PREP: variants seen among roughly 807,000 people sequenced by gnomAD.
PREP encodes the protein prolyl endopeptidase.
In PREP, 29 loss-of-function variants were observed where a neutral mutation model predicts 87.6. That is an observed-to-expected ratio of 0.33 (90% CI 0.25 to 0.45). The LOEUF (loss-of-function observed/expected upper bound fraction) is 0.45. PREP is among the 20% of genes least tolerant of loss of function. The probability of loss-of-function intolerance (pLI) is 1.00; values close to 1 mark genes in which losing one functional copy is unlikely to be tolerated. For synonymous variants in PREP, 337 were observed against 328.6 expected, an observed-to-expected ratio of 1.03 and a Z score of -0.28; for missense variants, 695 against 886.5, an observed-to-expected ratio of 0.78 and a Z score of 2.74.
intron 14 of PREP, chr6:105,280,775 C>G (rs960560270): frequency 6.6e-6 from 1 of 151,976 alleles, no homozygotes; most frequent in Non-Finnish European, 1.5e-5. Flanking sequence ...ACCACATTGC[C>G]CATGAAGGAC....
At chr6:105,345,391 C>T (rs534804720) in intron 7 of PREP, among the ~76,000 whole-genome samples, 6 of 152,166 alleles carry the variant, frequency 3.9e-5, no homozygotes, top group African/African-American at 1.4e-4. Flanking sequence ...TATAAACCTG[C>T]TTCTTGGTGG....
chr6:105,350,229 G>C (rs1471209062), intron 7 of PREP, among the ~76,000 whole-genome samples: 1 of 152,040 alleles, frequency 6.6e-6, no homozygotes, highest in African/African-American at 2.4e-5. Context: ...AAAAAAGAAG[G>C]AATACTTGAG....
intron 5 of PREP, among the ~76,000 whole-genome samples, chr6:105,370,790 T>C (rs1028320102): frequency 1.3e-5 from 2 of 152,176 alleles, no homozygotes; most frequent in Non-Finnish European, 2.9e-5. Context: ...ACTGTCTAAT[T>C]CCAACTACAG....
chr6:105,359,417 AAAG>A (rs747509893), intron 6 of PREP, among the ~76,000 whole-genome samples: 1 of 152,198 alleles, frequency 6.6e-6, no homozygotes, highest in Non-Finnish European at 1.5e-5. Flanking sequence ...AATGATGATT[AAAG>A]AAGTAGAATT....
At chr6:105,360,474 CA>C (rs539099208) in intron 6 of PREP, among the ~76,000 whole-genome samples, 188 of 152,280 alleles carry the variant, frequency 1.2e-3, no homozygotes, top group South Asian at 2.7e-3. Context: ...AAAGGTAGGA[CA>C]TAAGGTATGG....
At chr6:105,282,021 C>G (rs1199365404) in intron 13 of PREP, 119 bp from the exon 14 acceptor site, 29 of 1,232,794 alleles carry the variant, frequency 2.4e-5, no homozygotes, top group Non-Finnish European at 3.2e-5. Flanking sequence ...ATCCAGAGCA[C>G]AAGAGGAAAC....
At chr6:105,321,641 T>G (rs145931364) in intron 10 of PREP, among the ~76,000 whole-genome samples, 1 of 152,134 alleles carries the variant, frequency 6.6e-6, no homozygotes, top group Admixed American at 6.5e-5. Context: ...AGCCATCTAA[T>G]AGAGGAAACA....
At chr6:105,386,534 C>T (rs1456497327) in intron 2 of PREP, among the ~76,000 whole-genome samples, 1 of 152,014 alleles carries the variant, frequency 6.6e-6, no homozygotes, top group African/African-American at 2.4e-5. Context: ...TGTCACATGC[C>T]TTGATTTCCC....
At chr6:105,383,365 C>T (rs569298439) in intron 2 of PREP, among the ~76,000 whole-genome samples, 1 of 152,052 alleles carries the variant, frequency 6.6e-6, no homozygotes, top group South Asian at 2.1e-4. Flanking sequence ...GAAAGAAAAG[C>T]TTGTTCAGGT....
intron 14 of PREP, among the ~76,000 whole-genome samples, chr6:105,279,579 T>C (rs1293196271): frequency 1.3e-5 from 2 of 152,204 alleles, no homozygotes; most frequent in African/African-American, 2.4e-5. Flanking sequence ...AGCTCTTTTT[T>C]TGGGGAAACA....
chr6:105,344,451 C>G (rs1209332962), intron 7 of PREP, among the ~76,000 whole-genome samples: 5 of 149,800 alleles, frequency 3.3e-5, no homozygotes, highest in Non-Finnish European at 7.4e-5. Context: ...GAGATCGTGC[C>G]ACTGCACTCC....
At chr6:105,342,229 C>G (rs1475249706) in intron 7 of PREP, among the ~76,000 whole-genome samples, 1 of 152,176 alleles carries the variant, frequency 6.6e-6, no homozygotes, top group Non-Finnish European at 1.5e-5. Context: ...GCTGGTTCAA[C>G]ATACACAAAT....
intron 10 of PREP, among the ~76,000 whole-genome samples, chr6:105,322,041 CA>C (rs1554206321): frequency 6.6e-6 from 1 of 151,940 alleles, no homozygotes; most frequent in Non-Finnish European, 1.5e-5. Context: ...CTGAGAAAAC[CA>C]AATGTCACAA....
chr6:105,297,990 G>A (rs76320345), intron 10 of PREP, among the ~76,000 whole-genome samples: 8 of 152,326 alleles, frequency 5.3e-5, no homozygotes, highest in African/African-American at 7.2e-5. Context: ...CAAACATTAC[G>A]ACAGTGATTC....
chr6:105,384,795 T>C (rs1772940958), intron 2 of PREP, among the ~76,000 whole-genome samples: 1 of 152,194 alleles, frequency 6.6e-6, no homozygotes, highest in African/African-American at 2.4e-5. Flanking sequence ...AGACCCATCT[T>C]TCTCTGCCAC....
chr6:105,280,984 G>C (rs772722933), intron 14 of PREP: 1 of 152,172 alleles, frequency 6.6e-6, no homozygotes, highest in Admixed American at 6.5e-5. Flanking sequence ...GATTGTTACA[G>C]TAACAAATTA....
chr6:105,333,635 G>A (rs1396123934), intron 7 of PREP, 130 bp from the exon 8 acceptor site: 4 of 950,608 alleles, frequency 4.2e-6, no homozygotes, highest in Non-Finnish European at 6.4e-6. Flanking sequence ...AAGATCTAGG[G>A]CATGAAAAGG....
intron 10 of PREP, chr6:105,322,278 T>G: frequency 1.1e-6 from 1 of 919,744 alleles, no homozygotes; most frequent in Non-Finnish European, 1.3e-6. Flanking sequence ...AAAAGTCTGT[T>G]ACATTTATTT....
At chr6:105,322,677 T>A (rs1447244034) in intron 10 of PREP, 1 of 995,738 alleles carries the variant, frequency 1.0e-6, no homozygotes, top group Non-Finnish European at 1.2e-6. Context: ...CAAATGGGCA[T>A]GTGTTCTCCA....
Sources: allele counts gnomAD v4.1 joint callset (sites outside exome capture counted in the v4.1 genomes callset), GRCh38; gene constraint gnomAD v4.1.1; transcripts MANE v1.5; gene names NCBI Gene and HGNC (gene_info 2026-07-23, HGNC 2026-07-21).